Variants in OPCML observed in about 807,000 individuals in gnomAD.
OPCML encodes opioid-binding protein/cell adhesion molecule.
In OPCML, 13 loss-of-function variants were observed where a neutral mutation model predicts 37.8. The observed-to-expected ratio is 0.34, with a 90% CI of 0.22 to 0.55. OPCML has a LOEUF of 0.55. OPCML is among the 20% of genes least tolerant of loss of function. The probability of loss-of-function intolerance (pLI) is 0.91; values close to 1 mark genes in which losing one functional copy is unlikely to be tolerated. For missense variants in OPCML, 341 were observed against 435.6 expected (o/e 0.78, Z 1.93); for synonymous variants, 176 against 168.8 (o/e 1.04, Z -0.33).
At chr11:132,501,583 T>C (rs1428214802) in intron 4 of OPCML, among the ~76,000 whole-genome samples, 1 of 152,218 alleles carries the variant, frequency 6.6e-6, no homozygotes, top group Non-Finnish European at 1.5e-5. Context: ...CAGTCTTGCA[T>C]GCCAAGAGGC....
chr11:133,423,213 G>A, intron 1 of OPCML: 2 of 985,332 alleles, frequency 2.0e-6, no homozygotes, highest in Non-Finnish European at 2.4e-6. Flanking sequence ...TCATCCCCTT[G>A]ATCATTTTAA....
chr11:132,901,723 ACAG>A (rs1487856511), intron 2 of OPCML, among the ~76,000 whole-genome samples: 3 of 152,210 alleles, frequency 2.0e-5, no homozygotes, highest in Non-Finnish European at 4.4e-5. Flanking sequence ...TTTCTCTGCG[ACAG>A]CAGTAGAATC....
At chr11:133,305,395 G>A (rs533268075) in intron 1 of OPCML, among the ~76,000 whole-genome samples, 1 of 152,278 alleles carries the variant, frequency 6.6e-6, no homozygotes, top group African/African-American at 2.4e-5. Flanking sequence ...CCCTGTGGGA[G>A]GTTAAAGAGC....
chr11:132,731,658 G>A (rs918298178), intron 2 of OPCML, among the ~76,000 whole-genome samples: 8 of 152,178 alleles, frequency 5.3e-5, no homozygotes, highest in Non-Finnish European at 1.0e-4. Flanking sequence ...CCACAGAGGG[G>A]CATCTAACTA....
intron 1 of OPCML, among the ~76,000 whole-genome samples, chr11:132,981,311 AGGCCACGT>A (rs1172303447): frequency 6.6e-6 from 1 of 152,182 alleles, no homozygotes; most frequent in Non-Finnish European, 1.5e-5. Context: ...TCTGTAGATA[AGGCCACGT>A]GGTGGTTAGA....
chr11:133,025,113 G>T, intron 1 of OPCML: 1 of 716,952 alleles, frequency 1.4e-6, no homozygotes, highest in Non-Finnish European at 1.7e-6. Context: ...TCATAGGGAG[G>T]AAAATGGGAT....
At chr11:132,573,910 G>T (rs1037199273) in intron 3 of OPCML, among the ~76,000 whole-genome samples, 7 of 151,914 alleles carry the variant, frequency 4.6e-5, no homozygotes, top group African/African-American at 1.7e-4. Flanking sequence ...CTTCATACTA[G>T]TTATGGGTCT....
In OPCML at chr11:132,614,444, G is replaced by T. The variant is rs574909570; in HGVS notation, c.379+42643C>A. ...GCCTTGCTTGAGGCTCCATAGCAGT[G>T]AGTGGCAGTGACACCTTCCTCTTCC... On this transcript the variant is annotated intron_variant, in intron 3 of 7. Coordinates refer to ENST00000524381, the MANE Select transcript of OPCML (RefSeq NM_001012393.5). Among the ~76,000 whole-genome samples the T allele has an allele frequency of 1.7e-3, 261 of 152,302 alleles. 4 individuals are homozygous for T. Among genetic ancestry groups the T allele is most frequent in the African/African-American group, 5.8e-3 (243 of 41,564 alleles).
chr11:133,336,264 G>T (rs1200617637), intron 1 of OPCML, among the ~76,000 whole-genome samples: 2 of 152,096 alleles, frequency 1.3e-5, no homozygotes, highest in African/African-American at 4.8e-5. Flanking sequence ...AAATGAAGGA[G>T]ATCCACTAGG....
At position 132,943,494 on chromosome 11, in the gene OPCML, T is replaced by G. The variant is rs1945656208; in HGVS notation, c.62-484A>C. ...TTCTGCAGAGCTCTGGCATCAAAAG[T>G]TTATAACCCAAAGAAGAAGGCAAGT... is the stretch of plus-strand genomic sequence containing the variant. On this transcript the variant is annotated intron_variant, in intron 1 of 7. Coordinates refer to ENST00000524381, the MANE Select transcript of OPCML (RefSeq NM_001012393.5). This position sits in a 1 kb window ranked among gnomAD's most constrained non-coding sequence, Gnocchi z 4.3. 1 of 236,174 alleles carries G rather than the reference T, an allele frequency of 4.2e-6. No homozygotes were observed. The highest frequency in any genetic ancestry group is 8.4e-6 in the Non-Finnish European group (1 of 118,464). 14.6% of individuals were successfully genotyped at this position (236,174 alleles called of 1,614,324 possible). A position where few individuals can be genotyped will look rare whatever the true frequency, so the allele number is the denominator to read the frequency against.
chr11:132,731,259 A>G (rs981487503), intron 2 of OPCML, among the ~76,000 whole-genome samples: 1 of 152,188 alleles, frequency 6.6e-6, no homozygotes, highest in African/African-American at 2.4e-5. Context: ...TCAGCATAGG[A>G]CCCAAGAAAG....
chr11:133,341,867 G>A (rs907804268), intron 1 of OPCML, among the ~76,000 whole-genome samples: 2 of 152,016 alleles, frequency 1.3e-5, no homozygotes, highest in African/African-American at 2.4e-5. Flanking sequence ...GCAGTGAGCC[G>A]AGATCGCGCC....
intron 1 of OPCML, among the ~76,000 whole-genome samples, chr11:133,112,311 G>GAAA (rs1491223305): frequency 5.1e-5 from 4 of 79,024 alleles, no homozygotes; most frequent in East Asian, 9.3e-4. Flanking sequence ...AAAAAAAAAA[G>GAAA]GGGAAAGAAA....
Position 133,024,980 on chromosome 11 carries a change from C to T in OPCML, c.62-81970G>A. The T allele has an allele frequency of 3.0e-6, 3 of 985,422 alleles. No homozygotes were observed. In the South Asian group the frequency reaches 1.4e-4, roughly 46 times the overall value. The allele number at this position is 985,422 out of a possible 1,614,324, so 61.0% of individuals were successfully genotyped here. On this transcript the variant is annotated intron_variant, in intron 1 of 7. Transcript: ENST00000524381. ...CAGAGCCTATGAATCTGCATTTTAA[C>T]ACACTGCCCTGATAATTCTGACACA...
intron 1 of OPCML, among the ~76,000 whole-genome samples, chr11:133,226,277 T>A (rs1365331473): frequency 2.6e-5 from 4 of 152,272 alleles, no homozygotes; most frequent in Non-Finnish European, 1.5e-5. Flanking sequence ...GTTAACCTCA[T>A]TTTTGGCTCT....
intron 1 of OPCML, among the ~76,000 whole-genome samples, chr11:133,279,253 G>A (rs1942075110): frequency 1.3e-5 from 2 of 152,102 alleles, no homozygotes; most frequent in South Asian, 2.1e-4. Flanking sequence ...ATCATGTTGT[G>A]GTTAAATGAT....
At chr11:132,480,637 C>A (rs2096176397) in intron 4 of OPCML, among the ~76,000 whole-genome samples, 1 of 152,138 alleles carries the variant, frequency 6.6e-6, no homozygotes, top group Non-Finnish European at 1.5e-5. Context: ...GGGTTACCCT[C>A]AAAGGGAAGC....
At chr11:133,342,521 C>T (rs1230006963) in intron 1 of OPCML, among the ~76,000 whole-genome samples, 4 of 152,160 alleles carry the variant, frequency 2.6e-5, no homozygotes, top group Non-Finnish European at 5.9e-5. Context: ...AGCAAATCTC[C>T]CTGCCGCCTA....
At chr11:133,217,627 C>G (rs1262715086) in intron 1 of OPCML, among the ~76,000 whole-genome samples, 2 of 152,154 alleles carry the variant, frequency 1.3e-5, no homozygotes, top group Non-Finnish European at 2.9e-5. Flanking sequence ...TGGTGAAGCC[C>G]TCTTCAGCCC....
Sources: allele counts gnomAD v4.1 joint callset (sites outside exome capture counted in the v4.1 genomes callset), GRCh38; gene constraint gnomAD v4.1.1; non-coding constraint Gnocchi (gnomAD v3.1); transcripts MANE v1.5; gene names NCBI Gene and HGNC (gene_info 2026-07-23, HGNC 2026-07-21).